FUT8: variants seen among roughly 807,000 people sequenced by gnomAD.
FUT8 encodes the protein fucosyltransferase 8.
Under a neutral mutation model 71.3 loss-of-function variants are expected in FUT8, and 29 were observed. That is an observed-to-expected ratio of 0.41 (90% CI 0.30 to 0.55). The LOEUF (loss-of-function observed/expected upper bound fraction) is 0.55. Among genes scored for constraint, FUT8 ranks in the 20% least tolerant of loss-of-function variants. The probability of loss-of-function intolerance (pLI) is 0.34; values close to 1 mark genes in which losing one functional copy is unlikely to be tolerated. For missense variants in FUT8, 544 were observed against 702.1 expected (o/e 0.77, Z 2.55); for synonymous variants, 254 against 239.3 (o/e 1.06, Z -0.57).
chr14:65,598,948 G>A (rs8005710), intron 3 of FUT8, among the ~76,000 whole-genome samples: 53,920 of 151,922 alleles, frequency 0.35, 11,909 homozygotes, highest in Non-Finnish European at 0.5. Context: ...GCACCACCAC[G>A]CCTGGCTAAT....
chr14:65,616,053 C>T lies in FUT8; in HGVS notation c.279C>T (p.Ala93=), dbSNP rs747841671. 8.7e-6 allele frequency: 14 copies of T among 1,613,766 alleles called. No individual in the cohort carries two copies. Among genetic ancestry groups the T allele is most frequent in the Non-Finnish European group, 1.2e-5 (14 of 1,179,884 alleles). Residue 93 remains alanine, a synonymous_variant, in exon 4 of 11, where the codon GCC becomes GCT. Coordinates refer to ENST00000673929, the MANE Select transcript of FUT8 (RefSeq NM_001371533.1). ...VRVLEEQLVK[A]KEQIENYKKQ... ...TTTTAGAAGAGCAGCTTGTTAAGGCCAAAGAACAGATTGAAAATTACAAGA... is the reference window on the plus strand; with the variant it reads ...TTTTAGAAGAGCAGCTTGTTAAGGCTAAAGAACAGATTGAAAATTACAAGA...
the FUT8 span, among the ~76,000 whole-genome samples, chr14:65,400,493 G>A: frequency 6.6e-6 from 1 of 152,142 alleles, no homozygotes; most frequent in East Asian, 1.9e-4. Flanking sequence ...TGGTTCAGGG[G>A]TATACGACTT....
chr14:65,450,671 C>T (rs1047185677), intron 1 of FUT8, among the ~76,000 whole-genome samples: 3 of 151,962 alleles, frequency 2.0e-5, no homozygotes, highest in African/African-American at 4.8e-5. Flanking sequence ...GTTTTTCTTA[C>T]GTTGGGTTTT....
chr14:65,742,624 C>T lies in FUT8; in HGVS notation c.*214C>T, dbSNP rs536098850. On this transcript the variant is annotated 3_prime_UTR_variant, in exon 11 of 11. Transcript: ENST00000673929. Reference sequence around the variant, plus strand: ...GCTGCAATGCCCTCATACCCATGCACAGTACAATAATGTACTCACATATAA... The same window carrying T: ...GCTGCAATGCCCTCATACCCATGCATAGTACAATAATGTACTCACATATAA... 292 of 554,074 alleles carry T rather than the reference C, an allele frequency of 5.3e-4. No individual in the cohort carries two copies. Among genetic ancestry groups the T allele is most frequent in the Non-Finnish European group, 8.7e-4 (268 of 309,616 alleles). The allele number at this position is 554,074 out of a possible 1,614,324, so 34.3% of individuals were successfully genotyped here.
intron 7 of FUT8, among the ~76,000 whole-genome samples, chr14:65,718,417 T>C (rs1895235821): frequency 6.6e-6 from 1 of 152,232 alleles, no homozygotes; most frequent in African/African-American, 2.4e-5. Flanking sequence ...TTATATCTTA[T>C]GGTACCAAGT....
chr14:65,535,576 G>A lies in FUT8; in HGVS notation c.-227-25761G>A, dbSNP rs187876812. On this transcript the variant is annotated intron_variant, in intron 2 of 10. Coordinates refer to ENST00000673929, the MANE Select transcript of FUT8 (RefSeq NM_001371533.1). ...CAGCAGCAGGTTGTTTTATTTCCAT[G>A]TAATTATATGGTTGTGAGTGATTTT... is the stretch of plus-strand genomic sequence containing the variant. 2.8e-3 allele frequency among the ~76,000 whole-genome samples: 431 copies of A among 152,258 alleles called. 2 individuals are homozygous for A. The highest frequency in any genetic ancestry group is 9.9e-3 in the African/African-American group (410 of 41,554).
chr14:65,665,403 T>C (rs1892161240), intron 6 of FUT8, among the ~76,000 whole-genome samples: 1 of 152,138 alleles, frequency 6.6e-6, no homozygotes, highest in Admixed American at 6.6e-5. Flanking sequence ...GATGATTCCA[T>C]TTGCATGTTC....
At chr14:65,395,922 G>A in the FUT8 span, among the ~76,000 whole-genome samples, 1 of 152,194 alleles carries the variant, frequency 6.6e-6, no homozygotes, top group Non-Finnish European at 1.5e-5. Flanking sequence ...ATGCTTTGCT[G>A]CTTAGAAATT....
chr14:65,573,932 C>G (rs190678020), intron 3 of FUT8, among the ~76,000 whole-genome samples: 3 of 152,144 alleles, frequency 2.0e-5, no homozygotes, highest in Non-Finnish European at 4.4e-5. Context: ...CACAAACTTA[C>G]TATCACACAG....
intron 2 of FUT8, among the ~76,000 whole-genome samples, chr14:65,496,360 T>G (rs1349196528): frequency 6.6e-6 from 1 of 152,184 alleles, no homozygotes; most frequent in African/African-American, 2.4e-5. Flanking sequence ...TTCTTTCACT[T>G]TTAGTCATAT....
chr14:65,484,726 A>G (rs1293524026), intron 2 of FUT8, among the ~76,000 whole-genome samples: 1 of 152,136 alleles, frequency 6.6e-6, no homozygotes, highest in African/African-American at 2.4e-5. Context: ...TGATTTTTAA[A>G]GGTTAATCCA....
intron 6 of FUT8, among the ~76,000 whole-genome samples, chr14:65,650,020 G>C (rs1369802657): frequency 6.6e-6 from 1 of 152,118 alleles, no homozygotes; most frequent in African/African-American, 2.4e-5. Flanking sequence ...TACCTGGCTG[G>C]GTGCGGTGGC....
chr14:65,370,084 T>C, the FUT8 span, among the ~76,000 whole-genome samples: 4 of 151,418 alleles, frequency 2.6e-5, no homozygotes, highest in East Asian at 7.7e-4. Context: ...CTTCATGTCA[T>C]CGTGTGGCTA....
chr14:65,521,941 ACTCTT>A (rs1275788146), intron 2 of FUT8, among the ~76,000 whole-genome samples: 4 of 151,790 alleles, frequency 2.6e-5, no homozygotes, highest in Non-Finnish European at 4.4e-5. Flanking sequence ...CATTTAGATA[ACTCTT>A]TTGGATGTTA....
intron 2 of FUT8, among the ~76,000 whole-genome samples, chr14:65,491,145 C>A (rs891690896): frequency 6.6e-6 from 1 of 152,036 alleles, no homozygotes; most frequent in African/African-American, 2.4e-5. Flanking sequence ...AGACAAGGTG[C>A]AAATATATGC....
intron 9 of FUT8, among the ~76,000 whole-genome samples, chr14:65,730,440 G>A (rs758693285): frequency 5.3e-5 from 8 of 152,156 alleles, no homozygotes; most frequent in African/African-American, 9.7e-5. Flanking sequence ...TTGGGAGGCC[G>A]AGGTGGGCGG....
chr14:65,622,212 C>T (rs1889652785), intron 5 of FUT8, among the ~76,000 whole-genome samples: 4 of 152,186 alleles, frequency 2.6e-5, no homozygotes. Context: ...GGTTTTACTC[C>T]AAAATCCGTT....
At chr14:65,715,377 A>T (rs1895003129) in intron 7 of FUT8, among the ~76,000 whole-genome samples, 1 of 152,170 alleles carries the variant, frequency 6.6e-6, no homozygotes, top group African/African-American at 2.4e-5. Flanking sequence ...GATATGTCTC[A>T]TTGATTGATT....
At chr14:65,466,912 T>A (rs552414610) in intron 2 of FUT8, among the ~76,000 whole-genome samples, 153 of 152,224 alleles carry the variant, frequency 1.0e-3, no homozygotes, top group African/African-American at 3.4e-3. Flanking sequence ...TTTTTCCCAT[T>A]CCTTATAACA....
Sources: gnomAD v4.1 joint callset for allele counts (sites outside exome capture counted in the v4.1 genomes callset) on GRCh38, gnomAD v4.1.1 for gene constraint, MANE v1.5 for transcripts, NCBI Gene and HGNC (gene_info 2026-07-23, HGNC 2026-07-21) for gene names.